DDR2: variants seen among roughly 807,000 people sequenced by gnomAD.
DDR2 encodes discoidin domain-containing receptor 2.
Under a neutral mutation model 94.9 loss-of-function variants are expected in DDR2, and 27 were observed. That is an observed-to-expected ratio of 0.28 (90% CI 0.21 to 0.39). The LOEUF (loss-of-function observed/expected upper bound fraction) is 0.39. Among genes scored for constraint, DDR2 ranks in the 10% least tolerant of loss-of-function variants. The pLI is 1.00. For missense variants in DDR2, 783 were observed against 1,076.0 expected (o/e 0.73, Z 3.81); for synonymous variants, 382 against 377.2 (o/e 1.01, Z -0.15).
intron 3 of DDR2, among the ~76,000 whole-genome samples, chr1:162,737,891 G>T (rs1662390161): frequency 6.6e-6 from 1 of 150,656 alleles, no homozygotes; most frequent in Admixed American, 6.6e-5. Context: ...GTTTTGATTT[G>T]CATTTCTCTG....
At chr1:162,754,987 C>A in intron 5 of DDR2, 132 bp downstream of exon 5, 1 of 1,423,120 alleles carries the variant, frequency 7.0e-7, no homozygotes. Flanking sequence ...AAATGTGTGA[C>A]CCAGGGTGAG....
At chr1:162,746,929 C>G (rs1178308778) in intron 3 of DDR2, among the ~76,000 whole-genome samples, 1 of 152,226 alleles carries the variant, frequency 6.6e-6, no homozygotes, top group Non-Finnish European at 1.5e-5. Context: ...AGGGTCCTGA[C>G]TGTTAGAAGG....
At chr1:162,732,365 T>C (rs992199813) in intron 3 of DDR2, among the ~76,000 whole-genome samples, 11 of 152,092 alleles carry the variant, frequency 7.2e-5, no homozygotes, top group African/African-American at 2.7e-4. Context: ...TCAGTGACAG[T>C]TTCTTTAAGT....
At chr1:162,739,507 A>G (rs543225664) in intron 3 of DDR2, among the ~76,000 whole-genome samples, 1 of 151,968 alleles carries the variant, frequency 6.6e-6, no homozygotes, top group South Asian at 2.1e-4. Context: ...GGGTTTTACC[A>G]TGTTGGCCAG....
chr1:162,679,798 T>C (rs749572696), intron 2 of DDR2, among the ~76,000 whole-genome samples: 37 of 152,086 alleles, frequency 2.4e-4, no homozygotes, highest in Non-Finnish European at 1.0e-4. Context: ...CCAACATCTG[T>C]TTTGTTTTGT....
In DDR2 at chr1:162,776,114, G is replaced by A. The variant is rs187368533; in HGVS notation, c.2049-22G>A. The A allele has an allele frequency of 6.6e-5, 105 of 1,593,084 alleles. No individual in the cohort carries two copies. The Middle Eastern group carries it at 1.2e-3, about 18-fold the overall frequency. On this transcript the variant is annotated intron_variant, in intron 15 of 17. Transcript: ENST00000367921. ...TTCCTGTTTCCATAGGCTACCTTCT[G>A]TCTTCTTGTCTATTTCCTCAGTTAC...
chr1:162,699,414 G>A (rs1375080889), intron 2 of DDR2, among the ~76,000 whole-genome samples: 4 of 152,198 alleles, frequency 2.6e-5, no homozygotes, highest in Non-Finnish European at 5.9e-5. Flanking sequence ...TTAAGGAATA[G>A]CACTTACCTT....
chr1:162,733,273 G>C (rs928959311), intron 3 of DDR2, among the ~76,000 whole-genome samples: 2 of 152,186 alleles, frequency 1.3e-5, no homozygotes, highest in African/African-American at 4.8e-5. Flanking sequence ...GGGCCAACTT[G>C]GCAGTTCTGA....
chr1:162,679,453 C>G (rs1004219512), intron 2 of DDR2, among the ~76,000 whole-genome samples: 4 of 152,184 alleles, frequency 2.6e-5, no homozygotes, highest in African/African-American at 9.7e-5. Context: ...GCCTCCAGCT[C>G]CATCCATGTT....
chr1:162,764,742 A>G (rs1021150485), intron 9 of DDR2, among the ~76,000 whole-genome samples: 1 of 151,484 alleles, frequency 6.6e-6, no homozygotes, highest in African/African-American at 2.4e-5. Flanking sequence ...TGGGAGGATC[A>G]CCTGAGCCCT....
Position 162,755,322 on chromosome 1 carries a change from A to C in DDR2, c.565+19A>C. On this transcript the variant is annotated intron_variant, in intron 6 of 17. Transcript: ENST00000367921. ...TGGCTAGGTAGGTCACTAGCCCAGGAAGCCTATAGACTTTATTAAAAACTC... is the reference window on the plus strand; with the variant it reads ...TGGCTAGGTAGGTCACTAGCCCAGGCAGCCTATAGACTTTATTAAAAACTC... The C allele has an allele frequency of 6.2e-7, 1 of 1,613,404 alleles. No homozygotes were observed. Among genetic ancestry groups the C allele is most frequent in the Non-Finnish European group, 8.5e-7 (1 of 1,179,966 alleles).
chr1:162,664,052 G>C (rs1658429665), intron 2 of DDR2, among the ~76,000 whole-genome samples: 1 of 152,056 alleles, frequency 6.6e-6, no homozygotes, highest in Non-Finnish European at 1.5e-5. Context: ...AAAGGAAGGG[G>C]GCTGGAGTAC....
At chr1:162,638,587 A>G (rs1246270337) in intron 1 of DDR2, among the ~76,000 whole-genome samples, 1 of 152,194 alleles carries the variant, frequency 6.6e-6, no homozygotes, top group African/African-American at 2.4e-5. Context: ...AGAAAATCGC[A>G]CTTTGGAAGT....
intron 5 of DDR2, 69 bp from the exon 6 acceptor site, chr1:162,755,087 G>T (rs1339181177): frequency 4.4e-6 from 7 of 1,604,092 alleles, no homozygotes; most frequent in Non-Finnish European, 6.0e-6. Context: ...CATCAAAAAC[G>T]TGGTGGGGTG....
At chr1:162,643,248 G>A (rs577721418) in intron 1 of DDR2, among the ~76,000 whole-genome samples, 31 of 152,158 alleles carry the variant, frequency 2.0e-4, no homozygotes, top group African/African-American at 7.5e-4. Context: ...CTTTCCCTGA[G>A]CTGTAGAAAG....
intron 2 of DDR2, among the ~76,000 whole-genome samples, chr1:162,686,718 T>G (rs1246570617): frequency 6.6e-6 from 1 of 152,200 alleles, no homozygotes; most frequent in Non-Finnish European, 1.5e-5. Context: ...TTTATAATCC[T>G]TTCGATATAT....
chr1:162,760,054 G>GA, intron 8 of DDR2, 75 bp downstream of exon 8: 1 of 1,601,766 alleles, frequency 6.2e-7, no homozygotes, highest in East Asian at 2.2e-5. Context: ...AGGCATGCTA[G>GA]AAAAAAGTCT....
intron 2 of DDR2, among the ~76,000 whole-genome samples, chr1:162,683,708 T>C (rs1659526108): frequency 6.6e-6 from 1 of 152,022 alleles, no homozygotes; most frequent in Non-Finnish European, 1.5e-5. Flanking sequence ...CAAAGACTGA[T>C]GAAAGAAATA....
intron 3 of DDR2, among the ~76,000 whole-genome samples, chr1:162,746,132 G>A (rs1473942782): frequency 6.6e-6 from 1 of 152,182 alleles, no homozygotes; most frequent in African/African-American, 2.4e-5. Flanking sequence ...TCGGAAAGTG[G>A]GTGCAGCCCA....
Sources: allele counts gnomAD v4.1 joint callset (sites outside exome capture counted in the v4.1 genomes callset), GRCh38; gene constraint gnomAD v4.1.1; transcripts MANE v1.5; gene names NCBI Gene and HGNC (gene_info 2026-07-23, HGNC 2026-07-21).